Variants in TENM1 observed in about 807,000 individuals in gnomAD.
The protein encoded by TENM1 is teneurin transmembrane protein 1, also known as teneurin-1.
TENM1 carries 35 observed loss-of-function variants against 174.8 expected under a neutral mutation model. The observed-to-expected ratio is 0.20, with a 90% confidence interval of 0.15 to 0.27. The LOEUF is 0.27. TENM1 is among the 10% of genes least tolerant of loss of function. The pLI, the probability that TENM1 is intolerant of heterozygous loss-of-function variation, is 1.00. For synonymous variants in TENM1, 781 were observed against 798.7 expected (o/e 0.98, Z 0.37); for missense variants, 1,633 against 2,130.1 (o/e 0.77, Z 4.59).
intron 19 of TENM1, among the ~76,000 whole-genome samples, chrX:124,502,089 T>C (rs1399083475): frequency 8.9e-6 from 1 of 112,234 alleles, no homozygotes; most frequent in Non-Finnish European, 1.9e-5. Flanking sequence ...AAAAATATTC[T>C]AAAACTGGGT....
At chrX:125,046,874 G>A in the TENM1 span, among the ~76,000 whole-genome samples, 2 of 109,783 alleles carry the variant, frequency 1.8e-5, no homozygotes, top group African/African-American at 3.3e-5. Flanking sequence ...GTGTGTGTGT[G>A]TGTGTGTGTG....
chrX:124,714,462 C>G (rs1338993505), intron 4 of TENM1, among the ~76,000 whole-genome samples: 1 of 111,849 alleles, frequency 8.9e-6, no homozygotes, highest in Non-Finnish European at 1.9e-5. Context: ...TTTCTCTTCT[C>G]AAAGATGAAT....
At chrX:124,702,905 C>T (rs1045347936) in intron 5 of TENM1, among the ~76,000 whole-genome samples, 1 of 111,678 alleles carries the variant, frequency 9.0e-6, no homozygotes, top group Non-Finnish European at 1.9e-5. Context: ...CAAACTTTTA[C>T]TGAAAGGGCT....
At chrX:125,169,786 C>A in the TENM1 span, among the ~76,000 whole-genome samples, 1 of 107,786 alleles carries the variant, frequency 9.3e-6, no homozygotes, top group South Asian at 4.0e-4. Flanking sequence ...TTTTTTCATT[C>A]TCATTCTTCT....
intron 20 of TENM1, among the ~76,000 whole-genome samples, chrX:124,493,412 A>G (rs1337137924): frequency 9.0e-6 from 1 of 111,195 alleles, no homozygotes; most frequent in Non-Finnish European, 1.9e-5. Flanking sequence ...ATATTAATAT[A>G]ATTTTTTGTT....
chrX:125,001,850 G>GAT, the TENM1 span, among the ~76,000 whole-genome samples: 2 of 75,680 alleles, frequency 2.6e-5, no homozygotes, highest in East Asian at 7.9e-4. Context: ...ACTATAGATA[G>GAT]ATACACACAC....
At chrX:124,862,323 A>T (rs2056926533) in intron 3 of TENM1, among the ~76,000 whole-genome samples, 1 of 111,758 alleles carries the variant, frequency 8.9e-6, no homozygotes, top group Admixed American at 9.5e-5. Flanking sequence ...CACTCATAGT[A>T]CCTGGTTTTA....
chrX:124,769,547 C>A (rs1459836683), intron 3 of TENM1, among the ~76,000 whole-genome samples: 2 of 111,574 alleles, frequency 1.8e-5, no homozygotes, highest in African/African-American at 3.3e-5. Flanking sequence ...GAATGGATAT[C>A]AAACATGAAC....
intron 3 of TENM1, among the ~76,000 whole-genome samples, chrX:124,871,687 G>C (rs140814534): frequency 2.3e-3 from 260 of 111,762 alleles, no homozygotes; most frequent in African/African-American, 8.1e-3. Flanking sequence ...GACTATAAGA[G>C]GTCACTGAGT....
intron 11 of TENM1, among the ~76,000 whole-genome samples, chrX:124,621,749 T>C (rs1212345255): frequency 8.9e-6 from 1 of 111,961 alleles, no homozygotes; most frequent in East Asian, 2.8e-4. Context: ...ACTTGTAATG[T>C]TGAAAAAGAT....
intron 23 of TENM1, among the ~76,000 whole-genome samples, chrX:124,434,299 C>T (rs2060810837): frequency 9.0e-6 from 1 of 111,542 alleles, no homozygotes; most frequent in Admixed American, 9.5e-5. Flanking sequence ...CAGTGAAAGA[C>T]ACCACTCTAT....
the TENM1 span, among the ~76,000 whole-genome samples, chrX:125,154,436 C>A: frequency 2.7e-5 from 3 of 111,924 alleles, no homozygotes; most frequent in African/African-American, 9.8e-5. Context: ...AACCCAAACA[C>A]CTTACCGTGT....
chrX:125,185,674 A>C, the TENM1 span, among the ~76,000 whole-genome samples: 8,371 of 111,877 alleles, frequency 0.075, 763 homozygotes, highest in African/African-American at 0.26. Context: ...GGGAATCAAA[A>C]AGGAGACAGC....
intron 11 of TENM1, among the ~76,000 whole-genome samples, chrX:124,593,911 G>C (rs1478901713): frequency 8.9e-6 from 1 of 112,114 alleles, no homozygotes; most frequent in Non-Finnish European, 1.9e-5. Flanking sequence ...CCCTACTCCA[G>C]AGCAGGTGCT....
intron 27 of TENM1, among the ~76,000 whole-genome samples, chrX:124,402,072 C>T (rs1412435459): frequency 8.9e-6 from 1 of 112,013 alleles, no homozygotes; most frequent in Non-Finnish European, 1.9e-5. Flanking sequence ...AGGTGAGGAC[C>T]TGCATTTTAG....
chrX:124,768,146 A>G (rs1381816512), intron 3 of TENM1, among the ~76,000 whole-genome samples: 1 of 111,840 alleles, frequency 8.9e-6, no homozygotes, highest in Non-Finnish European at 1.9e-5. Flanking sequence ...ATTAGACTCT[A>G]TGATTGTAGA....
intron 1 of TENM1, among the ~76,000 whole-genome samples, chrX:124,918,686 A>C (rs1447159449): frequency 1.8e-5 from 2 of 111,911 alleles, no homozygotes; most frequent in Non-Finnish European, 3.8e-5. Flanking sequence ...TGACATTAAG[A>C]AAGTGCCTAC....
At chrX:124,872,305 G>A (rs940877390) in intron 3 of TENM1, among the ~76,000 whole-genome samples, 9 of 111,571 alleles carry the variant, frequency 8.1e-5, no homozygotes, top group Admixed American at 1.9e-4. Context: ...ACAAATTTTC[G>A]CATGGTAAAA....
the TENM1 span, among the ~76,000 whole-genome samples, chrX:125,149,689 G>A: frequency 9.0e-6 from 1 of 111,201 alleles, no homozygotes; most frequent in African/African-American, 3.3e-5. Context: ...TCCTTATCTG[G>A]GAAGAGATGG....
Sources: gnomAD v4.1 joint callset for allele counts (sites outside exome capture counted in the v4.1 genomes callset) on GRCh38, gnomAD v4.1.1 for gene constraint, MANE v1.5 for transcripts, NCBI Gene and HGNC (gene_info 2026-07-23, HGNC 2026-07-21) for gene names.